RAB27B: variants seen among roughly 807,000 people sequenced by gnomAD.
The protein encoded by RAB27B is ras-related protein Rab-27B.
A neutral mutation model predicts 24.6 loss-of-function variants in RAB27B; 15 were observed. That is an observed-to-expected ratio of 0.61 (90% confidence interval 0.41 to 0.94). The LOEUF is 0.94. RAB27B is among the 40% of genes least tolerant of loss of function. The pLI is 0.00. For missense variants in RAB27B, 261 were observed against 266.8 expected, an observed-to-expected ratio of 0.98 and a Z score of 0.15; for synonymous variants, 105 against 92.5, an observed-to-expected ratio of 1.14 and a Z score of -0.78.
intron 2 of RAB27B, among the ~76,000 whole-genome samples, chr18:54,771,825 A>G (rs1306052105): frequency 6.6e-6 from 1 of 152,162 alleles, no homozygotes; most frequent in Non-Finnish European, 1.5e-5. Flanking sequence ...AGAAAGGACT[A>G]AAACCCAAGC....
At chr18:54,859,882 G>C (rs1334672782) in intron 1 of RAB27B, among the ~76,000 whole-genome samples, 2 of 152,196 alleles carry the variant, frequency 1.3e-5, no homozygotes, top group Non-Finnish European at 2.9e-5. Flanking sequence ...TCCAGTAGGG[G>C]ATGAAGTGGC....
intron 2 of RAB27B, among the ~76,000 whole-genome samples, chr18:54,816,406 T>C (rs1297372094): frequency 3.3e-5 from 5 of 152,382 alleles, no homozygotes; most frequent in Admixed American, 3.3e-4. Context: ...GTATTTGTAG[T>C]ATTTTTAAAT....
intron 1 of RAB27B, among the ~76,000 whole-genome samples, chr18:54,865,237 T>TTTTGTG (rs146590864): frequency 7.0e-6 from 1 of 143,392 alleles, no homozygotes; most frequent in Non-Finnish European, 1.5e-5. Context: ...CAATGGCCTT[T>TTTTGTG]TGTGTGTGTG....
chr18:54,878,329 A>C (rs1036776903), intron 2 of RAB27B, among the ~76,000 whole-genome samples: 4 of 152,210 alleles, frequency 2.6e-5, no homozygotes, highest in Non-Finnish European at 4.4e-5. Context: ...GACAGGAATA[A>C]GGATATTGTG....
chr18:54,877,600 C>T lies in RAB27B; in HGVS notation c.15C>T (p.Asp5=), dbSNP rs536804208. The change falls in exon 2 of 6, where the codon GAC becomes GAT. Residue 5 remains aspartate, a synonymous_variant. Coordinates refer to ENST00000262094, the MANE Select transcript of RAB27B (RefSeq NM_004163.4). MTDG[D]YDYLIKLLAL... ...AGACCATCACTATGACCGATGGAGA[C>T]TATGATTATCTGATCAAACTCCTGG... The T allele has an allele frequency of 6.3e-5, 99 of 1,564,990 alleles. 2 individuals are homozygous for T. In the South Asian group the frequency reaches 1.0e-3, roughly 16 times the overall value.
chr18:54,877,552 C>G lies in RAB27B; in HGVS notation c.-19-15C>G. 1 of 1,357,204 alleles carries G rather than the reference C, an allele frequency of 7.4e-7. No individual in the cohort carries two copies. The highest frequency in any genetic ancestry group is 9.6e-7 in the Non-Finnish European group (1 of 1,042,318). 84.1% of individuals were successfully genotyped at this position (1,357,204 alleles called of 1,614,324 possible). On this transcript the variant is annotated splice_polypyrimidine_tract_variant and intron_variant, in intron 1 of 5. Transcript: ENST00000262094. Reference sequence around the variant, plus strand: ...ACTTTAATCAAAACATACTTGTTTTCCCTCTCCTATACAGACCGACCAAGA... The same window carrying G: ...ACTTTAATCAAAACATACTTGTTTTGCCTCTCCTATACAGACCGACCAAGA...
At chr18:54,751,169 C>T (rs1229407610) in intron 2 of RAB27B, among the ~76,000 whole-genome samples, 1 of 152,074 alleles carries the variant, frequency 6.6e-6, no homozygotes, top group Non-Finnish European at 1.5e-5. Context: ...ATACTAGGAG[C>T]TTGAGGCACT....
chr18:54,754,825 T>C (rs1907952297), intron 2 of RAB27B, among the ~76,000 whole-genome samples: 3 of 152,212 alleles, frequency 2.0e-5, no homozygotes, highest in African/African-American at 4.8e-5. Context: ...TTTATCCTTG[T>C]AGGTATCTTT....
chr18:54,783,158 G>A (rs117048830), intron 2 of RAB27B, among the ~76,000 whole-genome samples: 6,699 of 151,690 alleles, frequency 0.044, 208 homozygotes, highest in Non-Finnish European at 0.07. Context: ...TATTAGAGAC[G>A]GTTTCACCAT....
At chr18:54,846,517 A>G (rs2145209996) in intron 1 of RAB27B, among the ~76,000 whole-genome samples, 1 of 152,334 alleles carries the variant, frequency 6.6e-6, no homozygotes, top group Admixed American at 6.5e-5. Context: ...CAAATACGTA[A>G]AAGAAGAATA....
intron 1 of RAB27B, among the ~76,000 whole-genome samples, chr18:54,849,406 C>G (rs942066744): frequency 2.0e-5 from 3 of 152,150 alleles, no homozygotes; most frequent in African/African-American, 4.8e-5. Context: ...CCACTCTGCA[C>G]CAGCACCTGC....
At chr18:54,817,589 G>C (rs975150178) in intron 2 of RAB27B, among the ~76,000 whole-genome samples, 1 of 152,070 alleles carries the variant, frequency 6.6e-6, no homozygotes, top group African/African-American at 2.4e-5. Flanking sequence ...AAGTCTCTTA[G>C]AGCCATCTAT....
At chr18:54,855,832 C>A (rs1911763041) in intron 1 of RAB27B, among the ~76,000 whole-genome samples, 1 of 152,118 alleles carries the variant, frequency 6.6e-6, no homozygotes, top group Admixed American at 6.5e-5. Context: ...AGTAAAGATG[C>A]TTTTTCTTAT....
intron 2 of RAB27B, among the ~76,000 whole-genome samples, chr18:54,775,006 C>A (rs1250665061): frequency 6.6e-6 from 1 of 152,198 alleles, no homozygotes; most frequent in African/African-American, 2.4e-5. Context: ...ACAAAAAAAG[C>A]CTGTGTGCTG....
chr18:54,882,482 A>G (rs1310601143), intron 3 of RAB27B, among the ~76,000 whole-genome samples: 1 of 152,214 alleles, frequency 6.6e-6, no homozygotes, highest in African/African-American at 2.4e-5. Context: ...AAACAAAGAC[A>G]TAGGCAGGCC....
chr18:54,767,205 C>G (rs1908390403), intron 2 of RAB27B, among the ~76,000 whole-genome samples: 1 of 152,158 alleles, frequency 6.6e-6, no homozygotes, highest in African/African-American at 2.4e-5. Flanking sequence ...TCTCCATTTG[C>G]TCTCCTAAAT....
intron 1 of RAB27B, among the ~76,000 whole-genome samples, chr18:54,866,954 C>T (rs1251851273): frequency 1.3e-5 from 2 of 152,170 alleles, no homozygotes; most frequent in East Asian, 3.9e-4. Context: ...AGTCCTTCAT[C>T]CCCAAGTCAC....
intron 2 of RAB27B, among the ~76,000 whole-genome samples, chr18:54,806,616 T>A (rs1472709319): frequency 6.7e-6 from 1 of 150,214 alleles, no homozygotes; most frequent in East Asian, 1.9e-4. Flanking sequence ...TGTTTATGTT[T>A]GATATTGTAT....
chr18:54,869,668 T>C (rs934950606), intron 1 of RAB27B, among the ~76,000 whole-genome samples: 10 of 152,196 alleles, frequency 6.6e-5, no homozygotes, highest in Non-Finnish European at 1.3e-4. Flanking sequence ...AAAATAGGAT[T>C]AATAACCTAG....
Sources: gnomAD v4.1 joint callset for allele counts (sites outside exome capture counted in the v4.1 genomes callset) on GRCh38, gnomAD v4.1.1 for gene constraint, MANE v1.5 for transcripts, NCBI Gene and HGNC (gene_info 2026-07-23, HGNC 2026-07-21) for gene names.